DNAI3: variants seen among roughly 807,000 people sequenced by gnomAD.
DNAI3 encodes dynein axonemal intermediate chain 3, also known as WD repeat domain 63.
A neutral mutation model predicts 115.5 loss-of-function variants in DNAI3; 83 were observed. The observed-to-expected ratio is 0.72, with a 90% CI of 0.60 to 0.86. The LOEUF is 0.86. Among genes scored for constraint, DNAI3 ranks in the 40% least tolerant of loss-of-function variants. DNAI3 has a pLI of 0.00. For missense variants in DNAI3, 1,004 were observed against 1,075.8 expected, an observed-to-expected ratio of 0.93 and a Z score of 0.93; for synonymous variants, 320 against 347.0, an observed-to-expected ratio of 0.92 and a Z score of 0.86.
chr1:85,093,853 T>G (rs1457012732), intron 9 of DNAI3: 1 of 690,838 alleles, frequency 1.4e-6, no homozygotes, highest in Non-Finnish European at 2.6e-6. Flanking sequence ...TGTCATTATC[T>G]CTGTTTCACA....
rs190018808 is a variant in DNAI3 at position 85,132,368 on chromosome 1, G to A, written c.2533-487G>A. Among the ~76,000 whole-genome samples, 252 of 152,306 alleles carry A rather than the reference G, an allele frequency of 1.7e-3. 1 individual carries two copies. The highest frequency in any genetic ancestry group is 0.014 in the Middle Eastern group (4 of 294). ...CTGTCTCTTTGCAAACATAAAATCT[G>A]GAAACAGCTCACTCCTCAATGGACA... On this transcript the variant is annotated intron_variant, in intron 22 of 22. Transcript: ENST00000294664.
chr1:85,091,283 G>A (rs892143070), intron 8 of DNAI3, among the ~76,000 whole-genome samples: 10 of 152,070 alleles, frequency 6.6e-5, no homozygotes, highest in Admixed American at 1.3e-4. Flanking sequence ...AGATCTTGAG[G>A]GAATAAAAAA....
intron 19 of DNAI3, among the ~76,000 whole-genome samples, chr1:85,125,473 A>C (rs943840532): frequency 6.6e-6 from 1 of 152,076 alleles, no homozygotes. Context: ...ATAATTTAGA[A>C]ACTACTTAAA....
chr1:85,078,968 A>T (rs1654545543), intron 3 of DNAI3, among the ~76,000 whole-genome samples: 1 of 152,234 alleles, frequency 6.6e-6, no homozygotes, highest in Non-Finnish European at 1.5e-5. Context: ...GTAGGGGCAG[A>T]TAACATAGAA....
At chr1:85,126,443 G>T (rs817474) in intron 19 of DNAI3, 68 bp from the exon 20 acceptor site, 1,385,985 of 1,487,470 alleles carry the variant, frequency 0.93, 646,954 homozygotes, top group East Asian at 0.94. Flanking sequence ...TTAATGAACA[G>T]CATGGTGAAT....
At chr1:85,090,019 C>T in intron 7 of DNAI3, 97 bp from the exon 8 acceptor site, 1 of 474,956 alleles carries the variant, frequency 2.1e-6, no homozygotes. Context: ...AATATCCTAA[C>T]ATCATTGTCA....
intron 19 of DNAI3, among the ~76,000 whole-genome samples, chr1:85,124,894 A>G (rs1364206311): frequency 1.3e-5 from 2 of 152,090 alleles, no homozygotes; most frequent in African/African-American, 4.8e-5. Context: ...ATTGAAGTGC[A>G]AGGAGAAACA....
intron 16 of DNAI3, among the ~76,000 whole-genome samples, chr1:85,112,641 C>T (rs1457089897): frequency 2.6e-5 from 4 of 152,174 alleles, no homozygotes; most frequent in Admixed American, 2.0e-4. Flanking sequence ...AATATACAGT[C>T]GGATCTCATT....
chr1:85,071,824 G>A, intron 1 of DNAI3, 104 bp from the exon 2 acceptor site: 1 of 1,187,544 alleles, frequency 8.4e-7, no homozygotes, highest in Non-Finnish European at 1.2e-6. Context: ...GTAAATCTTA[G>A]AAAACATATT....
intron 17 of DNAI3, among the ~76,000 whole-genome samples, chr1:85,119,466 A>AG (rs962302955): frequency 1.3e-5 from 2 of 152,254 alleles, no homozygotes; most frequent in African/African-American, 4.8e-5. Context: ...TTTATAAAGC[A>AG]GGGGAATGAC....
chr1:85,126,524 T>C lies in DNAI3; in HGVS notation c.2126T>C (p.Leu709Pro), dbSNP rs1656143988. Residue 709 changes from leucine (L) to proline (P), a missense_variant, in exon 20 of 23, where the codon CTT becomes CCT. By Grantham distance (98) the Leu-to-Pro change is moderately conservative (BLOSUM62 -3). This residue lies in a region of DNAI3 where 429 missense variants were observed against 454.3 expected (regional missense o/e 0.94). Coordinates refer to ENST00000294664, the MANE Select transcript of DNAI3 (RefSeq NM_145172.5). ...ATTTGTTTAAAGACTGGACCGCTCCTTCAGTCATGCTGTGCACCAAAAAGG... is the reference window on the plus strand; with the variant it reads ...ATTTGTTTAAAGACTGGACCGCTCCCTCAGTCATGCTGTGCACCAAAAAGG... The part of the protein sequence containing the change: ...WKEGVMTGPL[L>P]QSCCAPKRYT... 2 of 1,613,794 alleles carry C rather than the reference T, an allele frequency of 1.2e-6. No individual in the cohort carries two copies. The highest frequency in any genetic ancestry group is 4.5e-5 in the East Asian group (2 of 44,870).
intron 10 of DNAI3, 92 bp from the exon 11 acceptor site, chr1:85,095,839 A>AGC (rs768524472): frequency 7.9e-7 from 1 of 1,267,508 alleles, no homozygotes; most frequent in Non-Finnish European, 1.1e-6. Flanking sequence ...GATAGCTATA[A>AGC]AATTAGACTT....
chr1:85,129,530 T>C (rs1330601042), intron 21 of DNAI3, among the ~76,000 whole-genome samples: 3 of 152,160 alleles, frequency 2.0e-5, no homozygotes, highest in Non-Finnish European at 4.4e-5. Context: ...TCTACATTGA[T>C]ACTCTCATCT....
chr1:85,076,903 A>T (rs543774280), intron 3 of DNAI3, among the ~76,000 whole-genome samples: 1 of 152,268 alleles, frequency 6.6e-6, no homozygotes, highest in East Asian at 1.9e-4. Flanking sequence ...TAAACTTATG[A>T]CTTAAAGTCA....
chr1:85,119,146 A>C (rs1374100373), intron 17 of DNAI3, among the ~76,000 whole-genome samples: 3 of 152,224 alleles, frequency 2.0e-5, no homozygotes, highest in Non-Finnish European at 4.4e-5. Flanking sequence ...AAATATATGT[A>C]ACATAAAATT....
chr1:85,081,709 G>A (rs1022042428), intron 4 of DNAI3, among the ~76,000 whole-genome samples: 6 of 152,224 alleles, frequency 3.9e-5, no homozygotes, highest in East Asian at 1.9e-4. Context: ...GGCTAGAGAC[G>A]CAATCATGGC....
At chr1:85,126,320 T>C (rs562632395) in intron 19 of DNAI3, among the ~76,000 whole-genome samples, 191 bp from the exon 20 acceptor site, 2 of 152,292 alleles carry the variant, frequency 1.3e-5, no homozygotes, top group East Asian at 1.9e-4. Context: ...AAATGGCTTA[T>C]GAAAACAAGA....
intron 7 of DNAI3, among the ~76,000 whole-genome samples, chr1:85,089,871 T>G (rs1489380629): frequency 1.3e-5 from 2 of 152,192 alleles, no homozygotes; most frequent in Non-Finnish European, 2.9e-5. Flanking sequence ...AAGTTTGAAA[T>G]GATTTCTAGG....
chr1:85,072,957 A>AAAG, intron 2 of DNAI3, 97 bp from the exon 3 acceptor site: 25 of 570,924 alleles, frequency 4.4e-5, no homozygotes, highest in South Asian at 1.3e-4. Flanking sequence ...TCCGTCTCAA[A>AAAG]AAAAAAAAAA....
Sources: gnomAD v4.1 joint callset for allele counts (sites outside exome capture counted in the v4.1 genomes callset) on GRCh38, gnomAD v4.1.1 for gene constraint, gnomAD v4.1.1 regional missense constraint, MANE v1.5 for transcripts, NCBI Gene and HGNC (gene_info 2026-07-23, HGNC 2026-07-21) for gene names.